The following PPIG variants were observed in gnomAD, a reference collection of about 807,000 sequenced individuals.
The protein encoded by PPIG is peptidyl-prolyl cis-trans isomerase G.
PPIG carries 26 observed loss-of-function variants against 87.9 expected under a neutral mutation model. The observed-to-expected ratio is 0.30, with a 90% CI of 0.22 to 0.41. PPIG has a LOEUF of 0.41. PPIG is among the 10% of genes least tolerant of loss of function. PPIG has a pLI of 1.00. For missense variants in PPIG, 722 were observed against 879.4 expected, an observed-to-expected ratio of 0.82 and a Z score of 2.26; for synonymous variants, 308 against 276.5, an observed-to-expected ratio of 1.11 and a Z score of -1.13.
intron 1 of PPIG, among the ~76,000 whole-genome samples, chr2:169,600,965 C>T (rs1685164555): frequency 6.6e-6 from 1 of 152,112 alleles, no homozygotes; most frequent in Non-Finnish European, 1.5e-5. Context: ...CCCCCAATGA[C>T]TTCCATTCCT....
chr2:169,633,892 A>G (rs1226587181), intron 12 of PPIG, among the ~76,000 whole-genome samples: 2 of 149,350 alleles, frequency 1.3e-5, no homozygotes, highest in Non-Finnish European at 3.0e-5. Context: ...GTGCAGTGGC[A>G]TGATCTCGGC....
chr2:169,635,660 T>C (rs182339529), intron 12 of PPIG, among the ~76,000 whole-genome samples: 38 of 152,320 alleles, frequency 2.5e-4, no homozygotes, highest in Non-Finnish European at 4.0e-4. Flanking sequence ...CCCCATAATA[T>C]GAGAAATATT....
chr2:169,584,468 A>G lies in PPIG; in HGVS notation c.-92A>G. The G allele has an allele frequency of 2.1e-6, 1 of 470,854 alleles. No homozygotes were observed. Among genetic ancestry groups the G allele is most frequent in the Non-Finnish European group, 4.4e-6 (1 of 226,940 alleles). 29.2% of individuals were successfully genotyped at this position (470,854 alleles called of 1,614,324 possible). ...CGCTTCAAAGGACCGGACCCAGAGA[A>G]GAGGAAAACTCTACCGGTGCAGGTA... On this transcript the variant is annotated 5_prime_UTR_variant, in exon 1 of 14. Transcript: ENST00000260970.
chr2:169,623,343 C>T (rs960581129), intron 9 of PPIG, among the ~76,000 whole-genome samples: 1 of 152,098 alleles, frequency 6.6e-6, no homozygotes, highest in Non-Finnish European at 1.5e-5. Flanking sequence ...CCATTTATGC[C>T]GGAGGTTGCA....
In PPIG at chr2:169,640,520, G is replaced by A. The variant is rs1686287923; in HGVS notation, c.*2997G>A. 1 of 152,112 alleles carries A rather than the reference G, an allele frequency of 6.6e-6. No individual in the cohort carries two copies. The highest frequency in any genetic ancestry group is 1.9e-4 in the East Asian group (1 of 5,196). 9.4% of individuals were successfully genotyped at this position (152,112 alleles called of 1,614,324 possible). ...ACTAAACTTTTTATACTAAATTTCT[G>A]TAGAAGCTTGTTGGGTTTGCCTTCA... On this transcript the variant is annotated 3_prime_UTR_variant, in exon 14 of 14. Transcript: ENST00000260970.
intron 9 of PPIG, among the ~76,000 whole-genome samples, chr2:169,626,770 T>G (rs1241957267): frequency 6.6e-6 from 1 of 151,878 alleles, no homozygotes; most frequent in African/African-American, 2.4e-5. Context: ...AGTGCAGTGG[T>G]GCAATCTCGG....
intron 1 of PPIG, among the ~76,000 whole-genome samples, chr2:169,591,125 G>A (rs1684851835): frequency 6.6e-6 from 1 of 152,190 alleles, no homozygotes; most frequent in Non-Finnish European, 1.5e-5. Flanking sequence ...GTTACCATAT[G>A]CCTACTTATA....
intron 9 of PPIG, among the ~76,000 whole-genome samples, chr2:169,616,505 A>AT (rs1180477972): frequency 1.2e-4 from 19 of 152,272 alleles, no homozygotes; most frequent in African/African-American, 4.6e-4. Flanking sequence ...CCTCTCCGGC[A>AT]TCTGTTGTTT....
intron 9 of PPIG, among the ~76,000 whole-genome samples, chr2:169,628,370 C>G (rs541189418): frequency 6.6e-6 from 1 of 152,180 alleles, no homozygotes; most frequent in Non-Finnish European, 1.5e-5. Context: ...ACCTTGTTCC[C>G]ATTCTCAAGT....
In PPIG at chr2:169,633,164, C is replaced by T. The variant is rs772369566; in HGVS notation, c.934C>T (p.Pro312Ser). ...TTTCTGTTTGCTTCCTTCTAGTAAT[C>T]CACCTAACTCCCAGCCTGCTTCATA... Reference protein sequence around the residue: ...RERERERECNPPNSQPASYQR... With the variant: ...RERERERECNSPNSQPASYQR... Residue 312 changes from proline to serine, a missense_variant, in exon 12 of 14, where the codon CCA becomes TCA. Pro to Ser is a moderately conservative substitution (Grantham distance 74). Around this residue, in one of 4 missense-constraint regions of PPIG, gnomAD observed 142 missense variants for 152.8 expected, o/e 0.93. Coordinates refer to ENST00000260970, the MANE Select transcript of PPIG (RefSeq NM_004792.3). 4 of 1,602,328 alleles carry T rather than the reference C, an allele frequency of 2.5e-6. No homozygotes were observed. The highest frequency in any genetic ancestry group is 3.4e-6 in the Non-Finnish European group (4 of 1,170,756).
intron 4 of PPIG, among the ~76,000 whole-genome samples, chr2:169,605,534 C>A (rs536197618): frequency 6.6e-6 from 1 of 151,532 alleles, no homozygotes; most frequent in African/African-American, 2.4e-5. Context: ...AGTGTGGTGG[C>A]CCATGCCTGT....
intron 12 of PPIG, among the ~76,000 whole-genome samples, chr2:169,635,254 A>G (rs765415519): frequency 6.6e-6 from 1 of 152,124 alleles, no homozygotes; most frequent in Non-Finnish European, 1.5e-5. Flanking sequence ...GGTAAATCCA[A>G]AATAACTACA....
chr2:169,593,613 A>T (rs934001700), intron 1 of PPIG, among the ~76,000 whole-genome samples: 5 of 150,800 alleles, frequency 3.3e-5, no homozygotes, highest in Non-Finnish European at 7.4e-5. Context: ...GGAGTAGTTT[A>T]CACAATCATC....
intron 7 of PPIG, among the ~76,000 whole-genome samples, chr2:169,614,139 T>C (rs1375328952): frequency 6.6e-6 from 1 of 152,250 alleles, no homozygotes; most frequent in East Asian, 1.9e-4. Flanking sequence ...TATACAATTA[T>C]GACTATTCAG....
At chr2:169,590,644 G>GA (rs1190570475) in intron 1 of PPIG, among the ~76,000 whole-genome samples, 1 of 151,934 alleles carries the variant, frequency 6.6e-6, no homozygotes, top group Non-Finnish European at 1.5e-5. Flanking sequence ...CTCCCTCTCA[G>GA]AAAAACAAAC....
intron 9 of PPIG, among the ~76,000 whole-genome samples, chr2:169,626,294 C>T (rs1685885570): frequency 1.3e-5 from 2 of 152,124 alleles, no homozygotes; most frequent in South Asian, 4.1e-4. Flanking sequence ...TCCTTTAATG[C>T]CATCTCTTTC....
intron 4 of PPIG, among the ~76,000 whole-genome samples, chr2:169,604,961 G>A (rs1213091938): frequency 6.6e-6 from 1 of 152,074 alleles, no homozygotes. Flanking sequence ...ACTTTGGGGG[G>A]CCGAGGTGGG....
At chr2:169,600,451 C>T (rs1035488043) in intron 1 of PPIG, among the ~76,000 whole-genome samples, 7 of 152,138 alleles carry the variant, frequency 4.6e-5, no homozygotes, top group African/African-American at 7.2e-5. Context: ...CATATTATTG[C>T]GGATTTCTGA....
intron 1 of PPIG, among the ~76,000 whole-genome samples, chr2:169,590,862 C>T (rs1004701608): frequency 2.0e-5 from 3 of 152,032 alleles, no homozygotes; most frequent in Non-Finnish European, 4.4e-5. Flanking sequence ...TAAAAATTAG[C>T]TGGAGGTGGT....
Sources: gnomAD v4.1 joint callset for allele counts (sites outside exome capture counted in the v4.1 genomes callset) on GRCh38, gnomAD v4.1.1 for gene constraint, gnomAD v4.1.1 regional missense constraint, MANE v1.5 for transcripts, NCBI Gene and HGNC (gene_info 2026-07-23, HGNC 2026-07-21) for gene names.